The following CMC1 variants were observed in gnomAD, a reference collection of about 807,000 sequenced individuals.
The protein encoded by CMC1 is C-X9-C motif containing 1.
A neutral mutation model predicts 14.1 loss-of-function variants in CMC1; 14 were observed. The ratio of observed to expected loss-of-function variants is 0.99; its 90% CI spans 0.66 to 1.55. The LOEUF is 1.55. Among genes scored for constraint, CMC1 ranks in the 40% most tolerant of loss-of-function variants. The pLI, the probability that CMC1 is intolerant of heterozygous loss-of-function variation, is 0.00. For synonymous variants in CMC1, 50 were observed against 38.4 expected, an observed-to-expected ratio of 1.30 and a Z score of -1.12; for missense variants, 127 against 123.8, an observed-to-expected ratio of 1.03 and a Z score of -0.12.
intron 1 of CMC1, among the ~76,000 whole-genome samples, chr3:28,257,001 G>T (rs1472809056): frequency 6.6e-6 from 1 of 152,138 alleles, no homozygotes; most frequent in Non-Finnish European, 1.5e-5. Context: ...TTTATGGAAA[G>T]ATATATTTAC....
intron 2 of CMC1, among the ~76,000 whole-genome samples, chr3:28,284,127 A>G (rs1017601426): frequency 1.3e-5 from 2 of 152,204 alleles, no homozygotes; most frequent in African/African-American, 4.8e-5. Flanking sequence ...TTTTGGCTTC[A>G]GAGATCATCT....
intron 2 of CMC1, among the ~76,000 whole-genome samples, chr3:28,263,682 C>G (rs62252065): frequency 1.3e-4 from 20 of 151,958 alleles, no homozygotes; most frequent in Non-Finnish European, 2.5e-4. Context: ...GTTACTCTTA[C>G]GATTTTTATA....
At chr3:28,278,008 T>C (rs964935478) in intron 2 of CMC1, among the ~76,000 whole-genome samples, 2 of 102,682 alleles carry the variant, frequency 1.9e-5, no homozygotes, top group African/African-American at 7.5e-5. Context: ...ATAGGTGGAA[T>C]AGGGACAAGG....
intron 1 of CMC1, among the ~76,000 whole-genome samples, chr3:28,259,721 A>C (rs1245514811): frequency 6.6e-6 from 1 of 152,158 alleles, no homozygotes; most frequent in Non-Finnish European, 1.5e-5. Flanking sequence ...TTGAGTGTCC[A>C]TCTCATAGCT....
At chr3:28,244,721 G>A (rs1284667859) in intron 1 of CMC1, among the ~76,000 whole-genome samples, 2 of 148,936 alleles carry the variant, frequency 1.3e-5, no homozygotes, top group South Asian at 2.1e-4. Flanking sequence ...GTGAGACTTC[G>A]TCTCAAAAAA....
chr3:28,274,276 T>C (rs1329467899), intron 2 of CMC1, among the ~76,000 whole-genome samples: 1 of 149,642 alleles, frequency 6.7e-6, no homozygotes, highest in Non-Finnish European at 1.5e-5. Flanking sequence ...TATTTAGTGC[T>C]TCTTTCAGGA....
At position 28,322,192 on chromosome 3, in the gene CMC1, A is replaced by G. The variant is rs1334272675; in HGVS notation, c.*2563A>G. On this transcript the variant is annotated 3_prime_UTR_variant, in exon 4 of 4. Coordinates refer to ENST00000466830, the MANE Select transcript of CMC1 (RefSeq NM_182523.2). ...CTGTCACAGTCACTGACTTTTTAGT[A>G]TACCTGTTTGATAGCTATCATCACT... The G allele has an allele frequency of 6.6e-6, 1 of 151,256 alleles. No homozygotes were observed. Among genetic ancestry groups the G allele is most frequent in the African/African-American group, 2.4e-5 (1 of 41,338 alleles). 9.4% of individuals were successfully genotyped at this position (151,256 alleles called of 1,614,324 possible). A position where few individuals can be genotyped will look rare whatever the true frequency, so the allele number is the denominator to read the frequency against.
At chr3:28,259,969 G>T (rs1054021776) in intron 1 of CMC1, among the ~76,000 whole-genome samples, 1 of 152,034 alleles carries the variant, frequency 6.6e-6, no homozygotes, top group Non-Finnish European at 1.5e-5. Context: ...TTTTGTAGAT[G>T]CCCTTCATTA....
At chr3:28,257,025 A>G (rs1269861801) in intron 1 of CMC1, among the ~76,000 whole-genome samples, 1 of 152,204 alleles carries the variant, frequency 6.6e-6, no homozygotes, top group Admixed American at 6.5e-5. Context: ...TAGAAATCTA[A>G]TGAAAGATGA....
intron 2 of CMC1, among the ~76,000 whole-genome samples, chr3:28,298,935 G>A (rs1211838947): frequency 1.3e-5 from 2 of 151,978 alleles, no homozygotes; most frequent in African/African-American, 4.8e-5. Flanking sequence ...TGTAAAAGGA[G>A]CTGTTTCTTT....
At chr3:28,294,621 C>T (rs1181396312) in intron 2 of CMC1, 2 of 183,760 alleles carry the variant, frequency 1.1e-5, no homozygotes, top group African/African-American at 4.8e-5. Flanking sequence ...CTCATGTAGG[C>T]AAGTTAAAGT....
chr3:28,323,063 AC>A lies in CMC1; in HGVS notation c.*3437del, dbSNP rs763332277. The A allele has an allele frequency of 6.0e-5, 9 of 151,056 alleles. No homozygotes were observed. The highest frequency in any genetic ancestry group is 7.4e-5 in the Non-Finnish European group (5 of 67,338). The allele number at this position is 151,056 out of a possible 1,614,324, so 9.4% of individuals were successfully genotyped here. A position where few individuals can be genotyped will look rare whatever the true frequency, so the allele number is the denominator to read the frequency against. On this transcript the variant is annotated 3_prime_UTR_variant, in exon 4 of 4. Coordinates refer to ENST00000466830, the MANE Select transcript of CMC1 (RefSeq NM_182523.2). ...GATCGACAATATCAATACAGCCCAA[AC>A]CCTGATTTCTATGATTAAAAATAAT...
Position 28,241,781 on chromosome 3 carries a change from T to C in CMC1, c.-13T>C, listed in dbSNP as rs760973314. 4.0e-6 allele frequency: 5 copies of C among 1,240,336 alleles called. No individual in the cohort carries two copies. Among genetic ancestry groups the C allele is most frequent in the Non-Finnish European group, 1.0e-6 (1 of 988,040 alleles). The allele number at this position is 1,240,336 out of a possible 1,614,324, so 76.8% of individuals were successfully genotyped here. ...GAGCCGCCAAGCGGCTACGTTCTTC[T>C]CGGCCCGCCGAGATGGCGCTCGACC... On this transcript the variant is annotated 5_prime_UTR_variant, in exon 1 of 4. Transcript: ENST00000466830.
intron 2 of CMC1, among the ~76,000 whole-genome samples, chr3:28,268,062 G>T (rs914391791): frequency 6.6e-6 from 1 of 152,074 alleles, no homozygotes; most frequent in African/African-American, 2.4e-5. Context: ...AATAATCACC[G>T]CATATGATGA....
intron 2 of CMC1, among the ~76,000 whole-genome samples, chr3:28,282,825 C>T (rs1412846912): frequency 6.6e-6 from 1 of 152,184 alleles, no homozygotes; most frequent in African/African-American, 2.4e-5. Flanking sequence ...TAATGACAAT[C>T]AAATTCAAAC....
At chr3:28,304,084 C>T (rs185309175) in intron 2 of CMC1, among the ~76,000 whole-genome samples, 3 of 152,056 alleles carry the variant, frequency 2.0e-5, no homozygotes, top group Admixed American at 2.0e-4. Flanking sequence ...CTATGTTGTC[C>T]AACATGGTCA....
intron 2 of CMC1, among the ~76,000 whole-genome samples, chr3:28,274,220 C>CTTTTTT (rs544985268): frequency 0.24 from 27,095 of 111,520 alleles, 3,987 homozygotes; most frequent in African/African-American, 0.33. Flanking sequence ...TTGTTTTTTT[C>CTTTTTT]TTTTTTTTTT....
chr3:28,294,472 G>A, intron 2 of CMC1: 1 of 978,182 alleles, frequency 1.0e-6, no homozygotes, highest in African/African-American at 1.7e-5. Flanking sequence ...GATGTTAGAT[G>A]GATTTGGGAG....
rs2125626433 is a variant in CMC1 at position 28,321,593 on chromosome 3, G to A, written c.*1964G>A. 6.6e-6 allele frequency: 1 copy of A among 151,120 alleles called. No homozygotes were observed. Among genetic ancestry groups the A allele is most frequent in the South Asian group, 2.1e-4 (1 of 4,822 alleles). 9.4% of individuals were successfully genotyped at this position (151,120 alleles called of 1,614,324 possible). On this transcript the variant is annotated 3_prime_UTR_variant, in exon 4 of 4. Transcript: ENST00000466830. The stretch of plus-strand genomic sequence containing the variant: ...GGTGCCTCTGTTGATATTATTCCCT[G>A]TTAATATGTGGTAACCCACAGGTTT...
Sources: allele counts gnomAD v4.1 joint callset (sites outside exome capture counted in the v4.1 genomes callset), GRCh38; gene constraint gnomAD v4.1.1; transcripts MANE v1.5; gene names NCBI Gene and HGNC (gene_info 2026-07-23, HGNC 2026-07-21).